The following PTPRD variants were observed in gnomAD, a reference collection of about 807,000 sequenced individuals.
The protein encoded by PTPRD is receptor-type tyrosine-protein phosphatase delta.
A neutral mutation model predicts 214.5 loss-of-function variants in PTPRD; 34 were observed. The observed-to-expected ratio is 0.16, with a 90% CI of 0.12 to 0.21. The LOEUF is 0.21. Among genes scored for constraint, PTPRD ranks in the 10% least tolerant of loss-of-function variants. The pLI, the probability that PTPRD is intolerant of heterozygous loss-of-function variation, is 1.00. For missense variants in PTPRD, 2,545 were observed against 2,398.7 expected (o/e 1.06, Z -1.27); for synonymous variants, 1,128 against 845.7 (o/e 1.33, Z -5.79).
At chr9:8,893,465 A>T (rs2098560670) in intron 11 of PTPRD, among the ~76,000 whole-genome samples, 1 of 152,240 alleles carries the variant, frequency 6.6e-6, no homozygotes. Flanking sequence ...CAACATTTCC[A>T]GTAATCAGAG....
At chr9:9,353,918 A>G (rs1387620125) in intron 9 of PTPRD, among the ~76,000 whole-genome samples, 1 of 151,742 alleles carries the variant, frequency 6.6e-6, no homozygotes, top group Non-Finnish European at 1.5e-5. Context: ...GCTCTGAGGA[A>G]GCTTCCAAGT....
chr9:8,960,149 A>G (rs984860412), intron 11 of PTPRD, among the ~76,000 whole-genome samples: 1 of 152,066 alleles, frequency 6.6e-6, no homozygotes, highest in Non-Finnish European at 1.5e-5. Flanking sequence ...TCTAAGCCTC[A>G]ATTTCCTTCT....
chr9:9,171,263 C>A (rs561523383), intron 10 of PTPRD, among the ~76,000 whole-genome samples: 1 of 151,598 alleles, frequency 6.6e-6, no homozygotes, highest in Non-Finnish European at 1.5e-5. Context: ...TTCTTTGTTG[C>A]CAGATCAATT....
intron 9 of PTPRD, among the ~76,000 whole-genome samples, chr9:9,274,188 C>T (rs1400966834): frequency 1.3e-4 from 19 of 151,236 alleles, no homozygotes. Context: ...TCCACACTTT[C>T]TCCCTGCCAT....
chr9:8,880,481 T>C (rs145141861), intron 11 of PTPRD, among the ~76,000 whole-genome samples: 2 of 152,302 alleles, frequency 1.3e-5, no homozygotes, highest in East Asian at 3.9e-4. Flanking sequence ...TTAACGCCAT[T>C]ATTTTTATTG....
chr9:8,827,732 TATC>T (rs2097204859), intron 11 of PTPRD, among the ~76,000 whole-genome samples: 1 of 152,218 alleles, frequency 6.6e-6, no homozygotes, highest in Admixed American at 6.5e-5. Flanking sequence ...ATAGGGTATT[TATC>T]ATGTCTCATC....
chr9:8,629,575 C>A (rs1401675444), intron 14 of PTPRD, among the ~76,000 whole-genome samples: 1 of 151,744 alleles, frequency 6.6e-6, no homozygotes, highest in Non-Finnish European at 1.5e-5. Context: ...AGTAGCATTC[C>A]ACAATTAGTT....
At chr9:10,363,767 G>GT (rs145398106) in intron 2 of PTPRD, among the ~76,000 whole-genome samples, 3,883 of 151,952 alleles carry the variant, frequency 0.026, 64 homozygotes, top group Non-Finnish European at 0.042. Flanking sequence ...CCCCTTATGG[G>GT]TTTTTTTGCA....
intron 11 of PTPRD, among the ~76,000 whole-genome samples, chr9:9,018,116 C>G (rs1390565087): frequency 6.6e-6 from 1 of 152,094 alleles, no homozygotes; most frequent in South Asian, 2.1e-4. Flanking sequence ...TTCCTTTTGA[C>G]TGCACTTCAC....
chr9:10,584,639 T>C (rs369196366), intron 2 of PTPRD, among the ~76,000 whole-genome samples: 9 of 152,252 alleles, frequency 5.9e-5, no homozygotes, highest in African/African-American at 1.9e-4. Flanking sequence ...TATGATATCT[T>C]CCTGTTTAAA....
intron 7 of PTPRD, among the ~76,000 whole-genome samples, chr9:9,634,468 G>C (rs1479353132): frequency 6.6e-6 from 1 of 152,106 alleles, no homozygotes; most frequent in African/African-American, 2.4e-5. Context: ...CCATGAGACT[G>C]TGTGTTTGTT....
At chr9:9,570,793 G>A (rs1339720145) in intron 8 of PTPRD, among the ~76,000 whole-genome samples, 1 of 151,302 alleles carries the variant, frequency 6.6e-6, no homozygotes, top group African/African-American at 2.4e-5. Context: ...AAAGCAGAAA[G>A]AAAAAAACAG....
intron 2 of PTPRD, among the ~76,000 whole-genome samples, chr9:10,533,039 A>T (rs1366248434): frequency 6.6e-6 from 1 of 152,032 alleles, no homozygotes; most frequent in East Asian, 1.9e-4. Context: ...TGCTCTCCAG[A>T]TAGGGTGAGT....
chr9:9,105,614 GAGT>G (rs1198963483), intron 10 of PTPRD, among the ~76,000 whole-genome samples: 1 of 152,156 alleles, frequency 6.6e-6, no homozygotes, highest in African/African-American at 2.4e-5. Context: ...AGAGGTGACT[GAGT>G]ACTTCATCAA....
intron 3 of PTPRD, among the ~76,000 whole-genome samples, chr9:10,167,308 T>A (rs1206239623): frequency 6.6e-6 from 1 of 152,006 alleles, no homozygotes; most frequent in Non-Finnish European, 1.5e-5. Flanking sequence ...GCTGGAGATT[T>A]TTGGGCTCAT....
chr9:9,737,414 T>C (rs967258110), intron 6 of PTPRD, among the ~76,000 whole-genome samples: 2 of 152,172 alleles, frequency 1.3e-5, no homozygotes, highest in African/African-American at 4.8e-5. Flanking sequence ...TTCAGTATGT[T>C]CAGTTTGTGC....
intron 8 of PTPRD, among the ~76,000 whole-genome samples, chr9:9,544,866 C>G (rs1354428469): frequency 6.6e-6 from 1 of 151,154 alleles, no homozygotes; most frequent in African/African-American, 2.4e-5. Context: ...AGTAGGAAAT[C>G]TGAGCAAATT....
intron 5 of PTPRD, among the ~76,000 whole-genome samples, chr9:9,847,610 C>A (rs1450622191): frequency 6.6e-6 from 1 of 152,136 alleles, no homozygotes; most frequent in Admixed American, 6.6e-5. Context: ...ACAAACCTTA[C>A]TAGTTAGCTA....
At chr9:9,421,081 T>G (rs1216072960) in intron 8 of PTPRD, among the ~76,000 whole-genome samples, 1 of 151,992 alleles carries the variant, frequency 6.6e-6, no homozygotes, top group Non-Finnish European at 1.5e-5. Context: ...TAATGGTCAA[T>G]TACATATTTG....
Sources: allele counts gnomAD v4.1 joint callset (sites outside exome capture counted in the v4.1 genomes callset), GRCh38; gene constraint gnomAD v4.1.1; transcripts MANE v1.5; gene names NCBI Gene and HGNC (gene_info 2026-07-23, HGNC 2026-07-21).